Variants in SLC50A1 observed in about 807,000 individuals in gnomAD.
The protein encoded by SLC50A1 is sugar transporter SWEET1.
A neutral mutation model predicts 28.9 loss-of-function variants in SLC50A1; 22 were observed. The ratio of observed to expected loss-of-function variants is 0.76; its 90% CI spans 0.54 to 1.09. The LOEUF (loss-of-function observed/expected upper bound fraction) is 1.09, where lower values mean the gene tolerates loss of function less well. Among genes scored for constraint, SLC50A1 ranks in the 50% least tolerant of loss-of-function variants. The pLI is 0.00. For missense variants in SLC50A1, 233 were observed against 273.4 expected (o/e 0.85, Z 1.04); for synonymous variants, 96 against 110.6 (o/e 0.87, Z 0.83).
Position 155,138,350 on chromosome 1 carries a change from G to GACA in SLC50A1, c.*69_*70insACA. 2.7e-6 allele frequency: 4 copies of GACA among 1,478,846 alleles called. No homozygotes were observed. Among genetic ancestry groups the GACA allele is most frequent in the Non-Finnish European group, 3.7e-6 (4 of 1,071,944 alleles). The allele number at this position is 1,478,846 out of a possible 1,614,324, so 91.6% of individuals were successfully genotyped here. A position where few individuals can be genotyped will look rare whatever the true frequency, so the allele number is the denominator to read the frequency against. ...CAAAGAGACCTCCTTGTTTCAGCTG[G>GACA]GCCTGCTGTCCAGCTTCCCAGGTGC... On this transcript the variant is annotated 3_prime_UTR_variant, in exon 6 of 6. Coordinates refer to ENST00000368404, the MANE Select transcript of SLC50A1 (RefSeq NM_018845.4).
At chr1:155,136,188 G>GA (rs869172122) in intron 1 of SLC50A1, 111 bp from the exon 2 acceptor site, 3 of 775,892 alleles carry the variant, frequency 3.9e-6, no homozygotes, top group Non-Finnish European at 5.8e-6. Flanking sequence ...GGGGGGGAGA[G>GA]GGGGCGGGGT....
chr1:155,135,725 G>T (rs1057318611), upstream of SLC50A1: 1 of 1,549,630 alleles, frequency 6.5e-7, no homozygotes, highest in Non-Finnish European at 8.7e-7. Flanking sequence ...AGAGGGGCGC[G>T]AGTTCCGGTT....
intron 3 of SLC50A1, 111 bp from the exon 4 acceptor site, chr1:155,137,450 G>A: frequency 3.0e-6 from 4 of 1,331,278 alleles, no homozygotes; most frequent in African/African-American, 1.4e-5. Context: ...AGTGCTGGAG[G>A]CCTAGACAGC....
At position 155,138,360 on chromosome 1, in the gene SLC50A1, C is replaced by A; in HGVS notation, c.*79C>A. ...TCCTTGTTTCAGCTGGGCCTGCTGT[C>A]CAGCTTCCCAGGTGCAGTGGGTTGT... On this transcript the variant is annotated 3_prime_UTR_variant, in exon 6 of 6. Coordinates refer to ENST00000368404, the MANE Select transcript of SLC50A1 (RefSeq NM_018845.4). The A allele has an allele frequency of 7.4e-7, 1 of 1,350,334 alleles. No homozygotes were observed. The highest frequency in any genetic ancestry group is 1.0e-6 in the Non-Finnish European group (1 of 959,950). 83.6% of individuals were successfully genotyped at this position (1,350,334 alleles called of 1,614,324 possible).
chr1:155,136,316 T>A lies in SLC50A1; in HGVS notation c.98T>A (p.Met33Lys). The A allele has an allele frequency of 6.2e-7, 1 of 1,603,256 alleles. No homozygotes were observed. Among genetic ancestry groups the A allele is most frequent in the South Asian group, 1.1e-5 (1 of 90,266 alleles). ...CATTACAGCTCGGACCTCAGGCACA[T>A]GCGAATGACCCGGAGTGTGGACAAC... Reference protein sequence around the residue: ...FSAGLSDLRHMRMTRSVDNVQ... With the variant: ...FSAGLSDLRHKRMTRSVDNVQ... Residue 33 changes from methionine (M) to lysine (K), a missense_variant, in exon 2 of 6, where the codon ATG becomes AAG. Coordinates refer to ENST00000368404, the MANE Select transcript of SLC50A1 (RefSeq NM_018845.4).
At chr1:155,137,137 G>A (rs1333491720) in intron 3 of SLC50A1, 186 bp downstream of exon 3, 14 of 751,898 alleles carry the variant, frequency 1.9e-5, no homozygotes, top group Non-Finnish European at 2.7e-5. Context: ...CCCCCATTTA[G>A]GCAAGGCTGG....
In SLC50A1 at chr1:155,137,671, C is replaced by T; in HGVS notation, c.393C>T (p.Leu131=). 6.2e-7 allele frequency: 1 copy of T among 1,614,216 alleles called. No homozygotes were observed. Among genetic ancestry groups the T allele is most frequent in the South Asian group, 1.1e-5 (1 of 91,086 alleles). ...AGGCCCGGCTTCAGCAGTTGGGCCTCTTCTGCAGTGTCTTCACCATCAGCA... is the reference window on the plus strand; with the variant it reads ...AGGCCCGGCTTCAGCAGTTGGGCCTTTTCTGCAGTGTCTTCACCATCAGCA... ...NPEARLQQLG[L]FCSVFTISMY... is the part of the protein sequence containing the mutation. Residue 131 remains leucine (L), a synonymous_variant, in exon 4 of 6, where the codon CTC becomes CTT. Coordinates refer to ENST00000368404, the MANE Select transcript of SLC50A1 (RefSeq NM_018845.4).
At chr1:155,135,636 C>A (rs1181032594), upstream of SLC50A1, 1 of 1,550,380 alleles carries the variant, frequency 6.5e-7, no homozygotes, top group Non-Finnish European at 8.7e-7. Flanking sequence ...ATCGGGGACA[C>A]ACCCGCGGAG....
At position 155,137,701 on chromosome 1, in the gene SLC50A1, C is replaced by T. The variant is rs780266970; in HGVS notation, c.423C>T (p.Tyr141=). 1.9e-6 allele frequency: 3 copies of T among 1,614,022 alleles called. No homozygotes were observed. The highest frequency in any genetic ancestry group is 1.1e-5 in the South Asian group (1 of 91,090). ...GCAGTGTCTTCACCATCAGCATGTA[C>T]CTCTCACCACTGGCTGACTTGGTGA... ...LFCSVFTISM[Y]LSPLADLAKV... Residue 141 remains tyrosine, a synonymous_variant, in exon 4 of 6, where the codon TAC becomes TAT. Transcript: ENST00000368404.
chr1:155,136,315 A>T lies in SLC50A1; in HGVS notation c.97A>T (p.Met33Leu). 6.2e-7 allele frequency: 1 copy of T among 1,610,792 alleles called. No individual in the cohort carries two copies. The highest frequency in any genetic ancestry group is 8.5e-7 in the Non-Finnish European group (1 of 1,178,576). ...FSAGLSDLRH[M>L]RMTRSVDNVQ... ...CCATTACAGCTCGGACCTCAGGCAC[A>T]TGCGAATGACCCGGAGTGTGGACAA... The change falls in exon 2 of 6, where the codon ATG becomes TTG. Residue 33 changes from methionine (M) to leucine (L), a missense_variant. By Grantham distance (15) the Met-to-Leu change is conservative. Coordinates refer to ENST00000368404, the MANE Select transcript of SLC50A1 (RefSeq NM_018845.4).
chr1:155,135,846 T>C (rs1335319184), upstream of SLC50A1: 3 of 1,606,344 alleles, frequency 1.9e-6, no homozygotes, highest in Non-Finnish European at 2.5e-6. Context: ...AGGTCTGGGC[T>C]GCAGTAGGTC....
intron 1 of SLC50A1, 117 bp from the exon 2 acceptor site, chr1:155,136,182 G>C: frequency 1.2e-6 from 1 of 845,186 alleles, no homozygotes; most frequent in Non-Finnish European, 1.8e-6. Context: ...GCTGGCGGGG[G>C]GGAGAGGGGG....
chr1:155,135,616 AGCGGCAGGTATCG>A (rs1377075704), upstream of SLC50A1: 5 of 1,550,182 alleles, frequency 3.2e-6, no homozygotes, highest in Non-Finnish European at 4.4e-6. Context: ...GAGTGTGAGC[AGCGGCAGGTATCG>A]GGGACACACC....
chr1:155,138,476 T>A lies in SLC50A1; in HGVS notation c.*195T>A, dbSNP rs555473851. ...GGGCCTAGGAGATGAAATCACTTTT[T>A]ATTTTTTAGAGATTTTTTTTTTTAA... is the stretch of plus-strand genomic sequence containing the variant. On this transcript the variant is annotated 3_prime_UTR_variant, in exon 6 of 6. Coordinates refer to ENST00000368404, the MANE Select transcript of SLC50A1 (RefSeq NM_018845.4). 20 of 583,144 alleles carry A rather than the reference T, an allele frequency of 3.4e-5. No homozygotes were observed. Among genetic ancestry groups the A allele is most frequent in the African/African-American group, 3.2e-4 (17 of 53,784 alleles). 36.1% of individuals were successfully genotyped at this position (583,144 alleles called of 1,614,324 possible).
chr1:155,138,119 G>A (rs1312935238), intron 5 of SLC50A1, 21 bp downstream of exon 5: 4 of 1,614,160 alleles, frequency 2.5e-6, no homozygotes, highest in Non-Finnish European at 2.5e-6. Flanking sequence ...CTGGGATGGG[G>A]TGACAGGGGT....
Position 155,136,927 on chromosome 1 carries a change from A to C in SLC50A1, c.258A>C (p.Ala86=). 6.2e-7 allele frequency: 1 copy of C among 1,614,158 alleles called. No individual in the cohort carries two copies. The highest frequency in any genetic ancestry group is 8.5e-7 in the Non-Finnish European group (1 of 1,180,016). The change falls in exon 3 of 6, where the codon GCA becomes GCC. Residue 86 remains alanine, a synonymous_variant. Transcript: ENST00000368404. ...GAALQTLYIL[A]YLHYCPRKRV... ...CGCTTCAGACCCTGTATATCTTGGC[A>C]TATCTGCATTACTGCCCTCGGAAGG...
At position 155,136,313 on chromosome 1, in the gene SLC50A1, A is replaced by C. The variant is rs1664464338; in HGVS notation, c.95A>C (p.His32Pro). 1 of 1,609,972 alleles carries C rather than the reference A, an allele frequency of 6.2e-7. No homozygotes were observed. The highest frequency in any genetic ancestry group is 1.7e-5 in the Admixed American group (1 of 59,502). ...CCCCATTACAGCTCGGACCTCAGGC[A>C]CATGCGAATGACCCGGAGTGTGGAC... ...MFSAGLSDLR[H>P]MRMTRSVDNV... Residue 32 changes from histidine to proline, a missense_variant, in exon 2 of 6, where the codon CAC (histidine) becomes CCC (proline). Transcript: ENST00000368404.
intron 3 of SLC50A1, among the ~76,000 whole-genome samples, 181 bp from the exon 4 acceptor site, chr1:155,137,380 G>T (rs924239046): frequency 1.3e-5 from 2 of 152,226 alleles, no homozygotes. Context: ...AGTCTCCAGT[G>T]TTGTGGGTGG....
At chr1:155,137,443 G>T in intron 3 of SLC50A1, 118 bp from the exon 4 acceptor site, 2 of 1,242,108 alleles carry the variant, frequency 1.6e-6, no homozygotes, top group Non-Finnish European at 2.3e-6. Flanking sequence ...ACAGTGCAGT[G>T]CTGGAGGCCT....
Sources: gnomAD v4.1 joint callset for allele counts (sites outside exome capture counted in the v4.1 genomes callset) on GRCh38, gnomAD v4.1.1 for gene constraint, MANE v1.5 for transcripts, NCBI Gene and HGNC (gene_info 2026-07-23, HGNC 2026-07-21) for gene names.